KCNJ3: variants seen among roughly 807,000 people sequenced by gnomAD.
KCNJ3 encodes G protein-activated inward rectifier potassium channel 1.
KCNJ3 carries 4 observed loss-of-function variants against 39.2 expected under a neutral mutation model. The observed-to-expected ratio is 0.10, with a 90% CI of 0.05 to 0.23. KCNJ3 has a LOEUF of 0.23. Ranked by LOEUF, KCNJ3 falls within the 10% of genes least tolerant of loss-of-function variation. The probability of loss-of-function intolerance (pLI) is 1.00; values close to 1 mark genes in which losing one functional copy is unlikely to be tolerated. For missense variants in KCNJ3, 276 were observed against 634.9 expected (o/e 0.43, Z 6.08); for synonymous variants, 230 against 237.4 (o/e 0.97, Z 0.29).
rs1481814111 is a variant in KCNJ3 at position 154,856,570 on chromosome 2, T to C, written c.*1257T>C. 6.6e-6 allele frequency: 1 copy of C among 152,158 alleles called. No individual in the cohort carries two copies. Among genetic ancestry groups the C allele is most frequent in the Non-Finnish European group, 1.5e-5 (1 of 67,994 alleles). The allele number at this position is 152,158 out of a possible 1,614,324, so 9.4% of individuals were successfully genotyped here. ...AAACCTATCCCATGCCTGTCACTTA[T>C]AGTTCAGGAGGAAGTTTTTGCACAG... is the stretch of plus-strand genomic sequence containing the variant. On this transcript the variant is annotated 3_prime_UTR_variant, in exon 3 of 3. Coordinates refer to ENST00000295101, the MANE Select transcript of KCNJ3 (RefSeq NM_002239.4).
Position 154,856,818 on chromosome 2 carries a change from T to C in KCNJ3, c.*1505T>C, listed in dbSNP as rs997292943. ...AAATAAAAATTTGGAATGCAGACTT[T>C]TATGAAAATTTAAAAGTGCTCCTTA... On this transcript the variant is annotated 3_prime_UTR_variant, in exon 3 of 3. Transcript: ENST00000295101. The C allele has an allele frequency of 2.0e-5, 3 of 152,132 alleles. No individual in the cohort carries two copies. Among genetic ancestry groups the C allele is most frequent in the Non-Finnish European group, 2.9e-5 (2 of 68,026 alleles). The allele number at this position is 152,132 out of a possible 1,614,324, so 9.4% of individuals were successfully genotyped here.
chr2:154,795,065 A>G (rs1279336514), intron 2 of KCNJ3, among the ~76,000 whole-genome samples: 1 of 152,046 alleles, frequency 6.6e-6, no homozygotes, highest in African/African-American at 2.4e-5. Flanking sequence ...GTTACACAGG[A>G]CATTAAGGAA....
chr2:154,753,144 G>GTGAT (rs973753872), intron 2 of KCNJ3, among the ~76,000 whole-genome samples: 1 of 151,954 alleles, frequency 6.6e-6, no homozygotes, highest in African/African-American at 2.4e-5. Context: ...GACTTTTTCA[G>GTGAT]TGATTAAAAT....
chr2:154,847,234 A>AGAT (rs758696919), intron 2 of KCNJ3, among the ~76,000 whole-genome samples: 4 of 152,194 alleles, frequency 2.6e-5, no homozygotes, highest in Non-Finnish European at 4.4e-5. Flanking sequence ...TTTATAAAAA[A>AGAT]GATTAAAAAA....
At chr2:154,741,213 G>A (rs144000116) in intron 2 of KCNJ3, among the ~76,000 whole-genome samples, 7 of 151,866 alleles carry the variant, frequency 4.6e-5, no homozygotes, top group African/African-American at 1.4e-4. Context: ...GAAAGATTAA[G>A]TAACTTATTC....
chr2:154,840,117 G>C (rs954837929), intron 2 of KCNJ3, among the ~76,000 whole-genome samples: 5 of 152,110 alleles, frequency 3.3e-5, no homozygotes, highest in African/African-American at 1.2e-4. Context: ...TTTTATGTAA[G>C]GTGTAAGGAA....
chr2:154,811,513 C>T lies in KCNJ3; in HGVS notation c.920-43214C>T, dbSNP rs187638915. Among the ~76,000 whole-genome samples, 529 of 152,130 alleles carry T rather than the reference C, an allele frequency of 3.5e-3. 2 individuals carry two copies. Among genetic ancestry groups the T allele is most frequent in the Middle Eastern group, 6.8e-3 (2 of 294 alleles). ...TTCACCATGTTGGCCAGGCTGGTCTCGAACTCCTGACCTTGTGATCCGCCC... is the reference window on the plus strand; with the variant it reads ...TTCACCATGTTGGCCAGGCTGGTCTTGAACTCCTGACCTTGTGATCCGCCC... On this transcript the variant is annotated intron_variant, in intron 2 of 2. Transcript: ENST00000295101.
intron 2 of KCNJ3, among the ~76,000 whole-genome samples, chr2:154,839,377 T>G (rs1284328429): frequency 6.6e-6 from 1 of 152,218 alleles, no homozygotes; most frequent in Non-Finnish European, 1.5e-5. Context: ...CTATTGTGAA[T>G]AGTGCTGCAA....
At chr2:154,710,339 G>A (rs914296218) in intron 2 of KCNJ3, among the ~76,000 whole-genome samples, 3 of 151,872 alleles carry the variant, frequency 2.0e-5, no homozygotes, top group Admixed American at 6.6e-5. Flanking sequence ...GTGGGTCAGC[G>A]GATTTCCCCA....
intron 2 of KCNJ3, among the ~76,000 whole-genome samples, chr2:154,756,263 T>C (rs544857484): frequency 2.6e-5 from 4 of 152,296 alleles, no homozygotes; most frequent in African/African-American, 7.2e-5. Flanking sequence ...TTGTCATATA[T>C]ATTATTTCTT....
intron 2 of KCNJ3, among the ~76,000 whole-genome samples, chr2:154,798,181 G>A (rs901276335): frequency 1.4e-4 from 19 of 138,750 alleles, no homozygotes; most frequent in South Asian, 7.1e-4. Flanking sequence ...CCCATCATTC[G>A]AACACCGCAC....
chr2:154,838,241 G>C (rs1298979488), intron 2 of KCNJ3, among the ~76,000 whole-genome samples: 2 of 152,166 alleles, frequency 1.3e-5, no homozygotes, highest in Non-Finnish European at 2.9e-5. Context: ...GGACATGCCA[G>C]GCATCAACCA....
intron 2 of KCNJ3, among the ~76,000 whole-genome samples, chr2:154,787,505 G>T (rs1686553026): frequency 6.6e-6 from 1 of 152,102 alleles, no homozygotes; most frequent in South Asian, 2.1e-4. Flanking sequence ...GAAACCTCAG[G>T]ACATCAGGAG....
chr2:154,743,024 C>T (rs1685678297), intron 2 of KCNJ3, among the ~76,000 whole-genome samples: 1 of 151,626 alleles, frequency 6.6e-6, no homozygotes, highest in Admixed American at 6.6e-5. Flanking sequence ...GTCTTTGATT[C>T]ATTTTGATTA....
chr2:154,779,431 C>A (rs888367423), intron 2 of KCNJ3, among the ~76,000 whole-genome samples: 4 of 144,266 alleles, frequency 2.8e-5, no homozygotes, highest in Non-Finnish European at 6.0e-5. Context: ...ACTTGATATA[C>A]ATATATATAT....
intron 2 of KCNJ3, among the ~76,000 whole-genome samples, chr2:154,833,239 GTTAAC>G (rs1687392456): frequency 6.6e-6 from 1 of 152,202 alleles, no homozygotes; most frequent in Non-Finnish European, 1.5e-5. Context: ...TTGTGGAATA[GTTAAC>G]TTAAAGAACA....
At chr2:154,741,130 A>C (rs1306839796) in intron 2 of KCNJ3, among the ~76,000 whole-genome samples, 2 of 151,972 alleles carry the variant, frequency 1.3e-5, no homozygotes, top group Non-Finnish European at 2.9e-5. Flanking sequence ...GTTTTTATAG[A>C]TTATTAAGCC....
intron 2 of KCNJ3, among the ~76,000 whole-genome samples, chr2:154,769,409 T>G (rs1478584239): frequency 1.3e-5 from 2 of 152,168 alleles, no homozygotes; most frequent in Non-Finnish European, 2.9e-5. Context: ...GCTGTTGAAT[T>G]TTTTTGAAGG....
At chr2:154,735,148 G>A (rs1156520500) in intron 2 of KCNJ3, among the ~76,000 whole-genome samples, 16 of 151,464 alleles carry the variant, frequency 1.1e-4, no homozygotes, top group Non-Finnish European at 2.4e-4. Flanking sequence ...GTGCAGGGGC[G>A]CGATCTCGGC....
Sources: gnomAD v4.1 joint callset for allele counts (sites outside exome capture counted in the v4.1 genomes callset) on GRCh38, gnomAD v4.1.1 for gene constraint, MANE v1.5 for transcripts, NCBI Gene and HGNC (gene_info 2026-07-23, HGNC 2026-07-21) for gene names.